The following CHD7 variants were observed in gnomAD, a reference collection of about 807,000 sequenced individuals.
The protein encoded by CHD7 is ATP-dependent chromatin remodeler CHD7.
Under a neutral mutation model 307.3 loss-of-function variants are expected in CHD7, and 24 were observed. The observed-to-expected ratio is 0.08, with a 90% CI of 0.06 to 0.11. The LOEUF is 0.11. Ranked by LOEUF, CHD7 falls within the 10% of genes least tolerant of loss-of-function variation. The pLI, the probability that CHD7 is intolerant of heterozygous loss-of-function variation, is 1.00. For missense variants in CHD7, 3,106 were observed against 3,727.1 expected, an observed-to-expected ratio of 0.83 and a Z score of 4.34; for synonymous variants, 1,363 against 1,349.9, an observed-to-expected ratio of 1.01 and a Z score of -0.21.
intron 6 of CHD7, among the ~76,000 whole-genome samples, chr8:60,803,229 T>A (rs1030770773): frequency 6.6e-6 from 1 of 152,194 alleles, no homozygotes; most frequent in Non-Finnish European, 1.5e-5. Context: ...TTTGAGTAAA[T>A]AGCATGTCGT....
intron 1 of CHD7, among the ~76,000 whole-genome samples, chr8:60,727,429 C>T (rs1808224851): frequency 6.6e-6 from 1 of 152,160 alleles, no homozygotes; most frequent in Non-Finnish European, 1.5e-5. Context: ...GCACCTGGCC[C>T]ATAGTAACTA....
At position 60,866,175 on chromosome 8, in the gene CHD7, T is replaced by G. The variant is rs1402953654; in HGVS notation, c.*242T>G. 1 of 372,150 alleles carries G rather than the reference T, an allele frequency of 2.7e-6. No homozygotes were observed. Among genetic ancestry groups the G allele is most frequent in the African/African-American group, 2.1e-5 (1 of 48,324 alleles). 23.1% of individuals were successfully genotyped at this position (372,150 alleles called of 1,614,324 possible). On this transcript the variant is annotated 3_prime_UTR_variant, in exon 38 of 38. Coordinates refer to ENST00000423902, the MANE Select transcript of CHD7 (RefSeq NM_017780.4). ...AATTTGAGAGGTGATCATGTCTTTTTAAGGAAACTTACATAATGCTCTGCT... is the reference window on the plus strand; with the variant it reads ...AATTTGAGAGGTGATCATGTCTTTTGAAGGAAACTTACATAATGCTCTGCT...
chr8:60,771,915 C>T (rs1810731763), intron 2 of CHD7, among the ~76,000 whole-genome samples: 1 of 152,194 alleles, frequency 6.6e-6, no homozygotes, highest in South Asian at 2.1e-4. Context: ...CAGACCTAGC[C>T]AGAATAATTG....
intron 6 of CHD7, among the ~76,000 whole-genome samples, chr8:60,807,963 G>A (rs1812615346): frequency 6.6e-6 from 1 of 152,236 alleles, no homozygotes; most frequent in African/African-American, 2.4e-5. Flanking sequence ...GAAGCTGCAT[G>A]TGGTTAGGGA....
intron 1 of CHD7, among the ~76,000 whole-genome samples, chr8:60,698,893 C>T (rs908289128): frequency 1.3e-5 from 2 of 152,114 alleles, no homozygotes; most frequent in Admixed American, 1.3e-4. Context: ...CTCAAGTCAT[C>T]CTCCCACCTC....
At chr8:60,689,538 A>T (rs1806090181) in intron 1 of CHD7, among the ~76,000 whole-genome samples, 1 of 152,262 alleles carries the variant, frequency 6.6e-6, no homozygotes. Flanking sequence ...AACAGCCTGT[A>T]GCATTAACTG....
chr8:60,843,662 C>G (rs770913475), intron 21 of CHD7, among the ~76,000 whole-genome samples: 4 of 152,184 alleles, frequency 2.6e-5, no homozygotes, highest in Non-Finnish European at 5.9e-5. Context: ...AGCCTGTCAG[C>G]TCACTGTTAA....
chr8:60,729,466 G>C (rs953022254), intron 1 of CHD7, among the ~76,000 whole-genome samples: 1 of 152,124 alleles, frequency 6.6e-6, no homozygotes, highest in Admixed American at 6.5e-5. Flanking sequence ...ATGTGGGTAG[G>C]TATAGTATGA....
At chr8:60,768,395 A>G (rs927961789) in intron 2 of CHD7, among the ~76,000 whole-genome samples, 2 of 152,196 alleles carry the variant, frequency 1.3e-5, no homozygotes, top group Non-Finnish European at 2.9e-5. Context: ...AAATCCTTCA[A>G]GGTTTACTAT....
intron 3 of CHD7, among the ~76,000 whole-genome samples, chr8:60,792,223 T>G (rs554679978): frequency 1.3e-5 from 2 of 152,358 alleles, no homozygotes; most frequent in Admixed American, 1.3e-4. Context: ...TACCTTTGTT[T>G]GTTAAAAGAA....
At chr8:60,827,742 A>G (rs1041255547) in intron 13 of CHD7, among the ~76,000 whole-genome samples, 2 of 151,898 alleles carry the variant, frequency 1.3e-5, no homozygotes, top group Non-Finnish European at 2.9e-5. Flanking sequence ...GAAAATTAGC[A>G]TGTTCTTACC....
chr8:60,720,706 C>T (rs758425135), intron 1 of CHD7, among the ~76,000 whole-genome samples: 5 of 152,218 alleles, frequency 3.3e-5, no homozygotes, highest in Non-Finnish European at 7.3e-5. Context: ...AGGGATTATT[C>T]CCATTGCTGC....
In CHD7 at chr8:60,866,040, CAT is replaced by C; in HGVS notation, c.*109_*110del. On this transcript the variant is annotated 3_prime_UTR_variant, in exon 38 of 38. Transcript: ENST00000423902. ...CCTAGTTTTATAAGCTGTTCTGTAA[CAT>C]AGTGTAGCAAAAAAAAAAGTTCAAG... is the stretch of plus-strand genomic sequence containing the variant. The C allele has an allele frequency of 2.0e-6, 2 of 1,019,430 alleles. No individual in the cohort carries two copies. The highest frequency in any genetic ancestry group is 2.8e-6 in the Non-Finnish European group (2 of 702,846). The allele number at this position is 1,019,430 out of a possible 1,614,324, so 63.1% of individuals were successfully genotyped here.
intron 2 of CHD7, among the ~76,000 whole-genome samples, chr8:60,761,344 G>T (rs1267464439): frequency 8.3e-6 from 1 of 121,136 alleles, no homozygotes; most frequent in Non-Finnish European, 1.7e-5. Context: ...GACTGTTGTG[G>T]GGTGGGGGGA....
intron 1 of CHD7, among the ~76,000 whole-genome samples, chr8:60,682,349 C>G (rs954094995): frequency 1.3e-5 from 2 of 152,140 alleles, no homozygotes; most frequent in Non-Finnish European, 2.9e-5. Flanking sequence ...AATGTTACAA[C>G]CGTTTTTCAT....
intron 2 of CHD7, among the ~76,000 whole-genome samples, chr8:60,744,954 T>G (rs1332633074): frequency 6.7e-6 from 1 of 149,750 alleles, no homozygotes; most frequent in Non-Finnish European, 1.5e-5. Context: ...GGAGTGGAGG[T>G]CAGGAAGACT....
intron 2 of CHD7, among the ~76,000 whole-genome samples, chr8:60,754,462 CT>C (rs1323854118): frequency 6.6e-6 from 1 of 151,966 alleles, no homozygotes; most frequent in African/African-American, 2.4e-5. Flanking sequence ...TCAAAATGAG[CT>C]TTTGGAATTC....
intron 2 of CHD7, among the ~76,000 whole-genome samples, chr8:60,764,931 T>C (rs987235816): frequency 2.6e-5 from 4 of 152,210 alleles, no homozygotes; most frequent in Admixed American, 2.0e-4. Flanking sequence ...CAAAATGTGC[T>C]TTCATTTATG....
chr8:60,724,939 A>G (rs577365568), intron 1 of CHD7, among the ~76,000 whole-genome samples: 52 of 152,268 alleles, frequency 3.4e-4, no homozygotes, highest in Admixed American at 7.8e-4. Context: ...AAGCAAGGAC[A>G]GAATGTGCAA....
Sources: gnomAD v4.1 joint callset for allele counts (sites outside exome capture counted in the v4.1 genomes callset) on GRCh38, gnomAD v4.1.1 for gene constraint, MANE v1.5 for transcripts, NCBI Gene and HGNC (gene_info 2026-07-23, HGNC 2026-07-21) for gene names.